Variants in CCDC192 observed in about 807,000 individuals in gnomAD.
The protein encoded by CCDC192 is coiled-coil domain containing 192.
intron 5 of CCDC192, among the ~76,000 whole-genome samples, chr5:127,867,643 T>C (rs1012761662): frequency 3.3e-5 from 5 of 152,216 alleles, no homozygotes; most frequent in Non-Finnish European, 7.3e-5. Context: ...GACAGTGCAC[T>C]TCTCTGTCTG....
chr5:127,773,550 C>T (rs1226002577), intron 3 of CCDC192, among the ~76,000 whole-genome samples: 4 of 152,214 alleles, frequency 2.6e-5, no homozygotes, highest in Non-Finnish European at 5.9e-5. Flanking sequence ...TTGTATCTGG[C>T]TTTTTGCACT....
chr5:127,705,582 A>G (rs139135252), intron 1 of CCDC192, among the ~76,000 whole-genome samples: 56 of 152,260 alleles, frequency 3.7e-4, no homozygotes, highest in African/African-American at 1.2e-3. Flanking sequence ...TAAGGGCTGC[A>G]AGAGGTGGAT....
chr5:127,703,283 C>T (rs773198843), upstream of CCDC192: 112 of 391,546 alleles, frequency 2.9e-4, no homozygotes, highest in Middle Eastern at 6.4e-3. Flanking sequence ...AGCTTTGTAA[C>T]GGAGATTTTT....
chr5:127,892,961 G>T (rs1179777529), intron 6 of CCDC192, among the ~76,000 whole-genome samples: 1 of 152,164 alleles, frequency 6.6e-6, no homozygotes, highest in East Asian at 1.9e-4. Context: ...TTAATATTAA[G>T]TATATCTGTC....
chr5:127,805,821 C>A (rs1757752130), intron 5 of CCDC192, among the ~76,000 whole-genome samples: 2 of 152,120 alleles, frequency 1.3e-5, no homozygotes, highest in Admixed American at 6.5e-5. Context: ...ATTATTTAGC[C>A]CCTCATTTTA....
At chr5:127,879,313 C>T (rs1240469167) in intron 6 of CCDC192, among the ~76,000 whole-genome samples, 1 of 147,714 alleles carries the variant, frequency 6.8e-6, no homozygotes, top group Non-Finnish European at 1.5e-5. Flanking sequence ...CTTTGACAAA[C>T]CTGAGAAAAA....
At chr5:127,870,820 T>C (rs1751823672) in intron 5 of CCDC192, among the ~76,000 whole-genome samples, 1 of 152,240 alleles carries the variant, frequency 6.6e-6, no homozygotes, top group Non-Finnish European at 1.5e-5. Context: ...AAAGACAAGT[T>C]GTATCCAAAT....
chr5:127,834,696 C>A (rs111516619), intron 5 of CCDC192, among the ~76,000 whole-genome samples: 3 of 152,148 alleles, frequency 2.0e-5, no homozygotes, highest in African/African-American at 7.2e-5. Flanking sequence ...ACTAATCTCC[C>A]GGGCGCAGTC....
At chr5:127,803,172 AT>A (rs962716544) in intron 5 of CCDC192, among the ~76,000 whole-genome samples, 8 of 152,210 alleles carry the variant, frequency 5.3e-5, no homozygotes, top group African/African-American at 1.9e-4. Flanking sequence ...GAATAATATG[AT>A]TGTTTAATTA....
chr5:127,922,227 T>C (rs751942831), intron 6 of CCDC192, among the ~76,000 whole-genome samples: 3 of 152,240 alleles, frequency 2.0e-5, no homozygotes, highest in Non-Finnish European at 4.4e-5. Flanking sequence ...ATAAGTTTGA[T>C]TTTTATGATT....
chr5:127,773,961 G>A (rs80125189), intron 3 of CCDC192, among the ~76,000 whole-genome samples: 1,906 of 152,194 alleles, frequency 0.013, 122 homozygotes, highest in Admixed American at 0.093. Flanking sequence ...CATAATAGTA[G>A]GTATGAAGTA....
In CCDC192 at chr5:127,807,409, T is replaced by G. The variant is rs1293945814; in HGVS notation, c.411+9247T>G. Among the ~76,000 whole-genome samples the G allele has an allele frequency of 5.3e-5, 8 of 152,268 alleles. No homozygotes were observed. The East Asian group carries it at 1.5e-3, about 29-fold the overall frequency. On this transcript the variant is annotated intron_variant, in intron 5 of 6. Coordinates refer to ENST00000514853, the MANE Select transcript of CCDC192 (RefSeq NM_001317938.2). Reference sequence around the variant, plus strand: ...ACATTTCTTTCCATGGTCAATGTCTTCTTAAGCCTTTCCCAAAGCTATCTG... The same window carrying G: ...ACATTTCTTTCCATGGTCAATGTCTGCTTAAGCCTTTCCCAAAGCTATCTG...
chr5:127,919,382 T>C (rs10064259), intron 6 of CCDC192, among the ~76,000 whole-genome samples: 13,927 of 152,094 alleles, frequency 0.092, 2,099 homozygotes, highest in African/African-American at 0.31. Flanking sequence ...TATGTACTTA[T>C]AGTATTAATG....
chr5:127,891,590 T>C (rs1752734217), intron 6 of CCDC192, among the ~76,000 whole-genome samples: 1 of 152,232 alleles, frequency 6.6e-6, no homozygotes, highest in Non-Finnish European at 1.5e-5. Context: ...CCTCATCTCA[T>C]GCATGCATCA....
chr5:127,893,332 T>C (rs1366152872), intron 6 of CCDC192, among the ~76,000 whole-genome samples: 2 of 152,190 alleles, frequency 1.3e-5, no homozygotes, highest in African/African-American at 4.8e-5. Flanking sequence ...AGAATCAAAA[T>C]AGCTACTTTG....
At chr5:127,767,005 C>CTT (rs1459368946) in intron 3 of CCDC192, among the ~76,000 whole-genome samples, 4 of 152,152 alleles carry the variant, frequency 2.6e-5, no homozygotes, top group African/African-American at 9.7e-5. Context: ...AAGCCTAAAC[C>CTT]CATCAAAGAG....
chr5:127,713,803 A>G (rs1435253906), intron 2 of CCDC192, among the ~76,000 whole-genome samples: 1 of 152,226 alleles, frequency 6.6e-6, no homozygotes, highest in African/African-American at 2.4e-5. Context: ...TGATCAAATT[A>G]GGATAATTAG....
chr5:127,717,017 G>T (rs977831893), intron 2 of CCDC192, among the ~76,000 whole-genome samples: 33 of 152,130 alleles, frequency 2.2e-4, no homozygotes, highest in African/African-American at 8.0e-4. Context: ...TGTGTGAATA[G>T]AAATTAATAA....
At chr5:127,859,225 C>G (rs772694534) in intron 5 of CCDC192, among the ~76,000 whole-genome samples, 9 of 152,108 alleles carry the variant, frequency 5.9e-5, no homozygotes, top group Non-Finnish European at 1.2e-4. Context: ...ACCTTTAATT[C>G]TTTTCTTAAA....
Sources: allele counts gnomAD v4.1 joint callset (sites outside exome capture counted in the v4.1 genomes callset), GRCh38; gene constraint gnomAD v4.1.1; transcripts MANE v1.5; gene names NCBI Gene and HGNC (gene_info 2026-07-23, HGNC 2026-07-21).